Variants in DACH2 observed in about 807,000 individuals in gnomAD.
The protein encoded by DACH2 is dachshund homolog 2.
In DACH2, 17 loss-of-function variants were observed where a neutral mutation model predicts 35.8. The observed-to-expected ratio is 0.48, with a 90% CI of 0.33 to 0.71. The LOEUF is 0.71. Ranked by LOEUF, DACH2 falls within the 30% of genes least tolerant of loss-of-function variation. DACH2 has a pLI of 0.02. For synonymous variants in DACH2, 195 were observed against 177.3 expected, an observed-to-expected ratio of 1.10 and a Z score of -0.79; for missense variants, 469 against 472.7, an observed-to-expected ratio of 0.99 and a Z score of 0.07.
chrX:86,301,404 T>A (rs2034572602), intron 1 of DACH2, among the ~76,000 whole-genome samples: 1 of 111,882 alleles, frequency 8.9e-6, no homozygotes, highest in Admixed American at 9.6e-5. Context: ...TGATAAAAAA[T>A]TATTTTTGAA....
At chrX:86,292,917 A>G (rs1163412098) in intron 1 of DACH2, among the ~76,000 whole-genome samples, 1 of 102,333 alleles carries the variant, frequency 9.8e-6, no homozygotes, top group Non-Finnish European at 2.0e-5. Context: ...TTTGGGGTGG[A>G]GAGTTCTGTA....
chrX:86,181,446 T>C (rs759434301), intron 1 of DACH2, among the ~76,000 whole-genome samples: 2 of 111,395 alleles, frequency 1.8e-5, no homozygotes, highest in Non-Finnish European at 3.8e-5. Flanking sequence ...TTTGGTTTTC[T>C]GTTCCTGTGT....
intron 7 of DACH2, among the ~76,000 whole-genome samples, chrX:86,799,882 A>C (rs779192404): frequency 2.7e-5 from 3 of 111,411 alleles, no homozygotes; most frequent in Non-Finnish European, 5.6e-5. Context: ...AGGGCCAACT[A>C]TATGCTCAGT....
chrX:86,703,300 A>T (rs1363436396), intron 5 of DACH2, among the ~76,000 whole-genome samples: 1 of 111,345 alleles, frequency 9.0e-6, no homozygotes, highest in East Asian at 2.8e-4. Context: ...TGACAAACCA[A>T]CAGCCAGCAT....
Position 86,241,241 on chromosome X carries a change from A to G in DACH2, c.488+92133A>G, listed in dbSNP as rs757549654. Reference sequence around the variant, plus strand: ...TTTTAACCAAAATACTGATAGTGATATGGACAATGAAGTTCAGTGGCCTCA... The same window carrying G: ...TTTTAACCAAAATACTGATAGTGATGTGGACAATGAAGTTCAGTGGCCTCA... On this transcript the variant is annotated intron_variant, in intron 1 of 11. Transcript: ENST00000373125. Among the ~76,000 whole-genome samples the G allele has an allele frequency of 3.6e-5, 4 of 112,049 alleles. No individual in the cohort carries two copies. In the Middle Eastern group the frequency reaches 0.014, roughly 384 times the overall value.
intron 6 of DACH2, among the ~76,000 whole-genome samples, chrX:86,715,273 A>G (rs1453050954): frequency 2.7e-5 from 3 of 111,660 alleles, no homozygotes; most frequent in Non-Finnish European, 5.6e-5. Flanking sequence ...TGAGTAAAAT[A>G]TATGTAAAAA....
intron 1 of DACH2, among the ~76,000 whole-genome samples, chrX:86,309,718 A>G (rs1218651900): frequency 8.9e-6 from 1 of 112,365 alleles, no homozygotes; most frequent in Non-Finnish European, 1.9e-5. Context: ...ATTCTAAAGT[A>G]GAGAATAAAT....
At chrX:86,369,017 T>C (rs781304043) in intron 1 of DACH2, among the ~76,000 whole-genome samples, 24 of 111,272 alleles carry the variant, frequency 2.2e-4, no homozygotes, top group African/African-American at 7.8e-4. Flanking sequence ...TTTTAATGTA[T>C]ATATTACATA....
intron 7 of DACH2, among the ~76,000 whole-genome samples, chrX:86,751,688 G>A (rs987064696): frequency 4.5e-5 from 5 of 110,577 alleles, no homozygotes; most frequent in Non-Finnish European, 9.5e-5. Flanking sequence ...CAAGAAGACA[G>A]AAGTAAAGGC....
Position 86,813,151 on chromosome X carries a change from G to A in DACH2, c.1411G>A (p.Asp471Asn). 1 of 1,207,592 alleles carries A rather than the reference G, an allele frequency of 8.3e-7. No homozygotes were observed. Among genetic ancestry groups the A allele is most frequent in the South Asian group, 1.8e-5 (1 of 55,914 alleles). Residue 471 changes from aspartate (D) to asparagine (N), a missense_variant, in exon 9 of 12, where the codon GAT becomes AAT. Transcript: ENST00000373125. ...ACAGGGTCTGCTGAAAGTTGCTTTG[G>A]ATAATGCTCGCATCCAGGAGAAGCA... ...NIQGLLKVAL[D>N]NARIQEKQIQ...
intron 1 of DACH2, among the ~76,000 whole-genome samples, chrX:86,252,604 T>C (rs2033424371): frequency 9.0e-6 from 1 of 111,572 alleles, no homozygotes; most frequent in Non-Finnish European, 1.9e-5. Flanking sequence ...TAGGGTGTCC[T>C]TTCCCCACTT....
At chrX:86,783,276 G>A (rs1443765172) in intron 7 of DACH2, among the ~76,000 whole-genome samples, 1 of 111,848 alleles carries the variant, frequency 8.9e-6, no homozygotes, top group African/African-American at 3.2e-5. Flanking sequence ...ACAAATGCTG[G>A]CAAGTTTGTG....
At chrX:86,649,322 A>G (rs1266361747) in intron 3 of DACH2, among the ~76,000 whole-genome samples, 1 of 111,061 alleles carries the variant, frequency 9.0e-6, no homozygotes, top group Non-Finnish European at 1.9e-5. Flanking sequence ...TAAAATACCT[A>G]TTAATTCAGT....
intron 7 of DACH2, among the ~76,000 whole-genome samples, chrX:86,755,843 C>G (rs953829751): frequency 2.7e-5 from 3 of 110,013 alleles, no homozygotes; most frequent in Admixed American, 9.7e-5. Flanking sequence ...GTGATCCACC[C>G]GCCTCAGCCT....
chrX:86,227,647 T>G (rs2032854989), intron 1 of DACH2, among the ~76,000 whole-genome samples: 1 of 109,353 alleles, frequency 9.1e-6, no homozygotes, highest in African/African-American at 3.3e-5. Context: ...AGTTTTCAAA[T>G]TTAGTAGCCC....
chrX:86,529,941 G>A (rs1414667093), intron 3 of DACH2, among the ~76,000 whole-genome samples: 1 of 81,284 alleles, frequency 1.2e-5, no homozygotes, highest in African/African-American at 4.6e-5. Context: ...GTATTCCATT[G>A]TACATACACA....
rs191452387 is a variant in DACH2 at position 86,746,434 on chromosome X, A to T, written c.1240+6552A>T. Among the ~76,000 whole-genome samples the T allele has an allele frequency of 5.2e-3, 584 of 111,392 alleles. 3 individuals are homozygous for T. The highest frequency in any genetic ancestry group is 0.018 in the African/African-American group (555 of 30,763). The stretch of plus-strand genomic sequence containing the variant: ...ACACTTACTATTTTCTGTGATTTTG[A>T]TTATAGCTAGACTAATGTTTGCGAT... On this transcript the variant is annotated intron_variant, in intron 7 of 11. Coordinates refer to ENST00000373125, the MANE Select transcript of DACH2 (RefSeq NM_053281.3).
intron 2 of DACH2, among the ~76,000 whole-genome samples, chrX:86,449,444 C>T (rs1300718624): frequency 9.0e-6 from 1 of 111,055 alleles, no homozygotes; most frequent in Non-Finnish European, 1.9e-5. Flanking sequence ...ATTTATTTAG[C>T]CACTCTATAT....
chrX:86,346,023 G>GA (rs1365440510), intron 1 of DACH2, among the ~76,000 whole-genome samples: 1 of 111,945 alleles, frequency 8.9e-6, no homozygotes, highest in Non-Finnish European at 1.9e-5. Flanking sequence ...TTGGGCTGAT[G>GA]AAAAAACCTT....
Sources: allele counts gnomAD v4.1 joint callset (sites outside exome capture counted in the v4.1 genomes callset), GRCh38; gene constraint gnomAD v4.1.1; transcripts MANE v1.5; gene names NCBI Gene and HGNC (gene_info 2026-07-23, HGNC 2026-07-21).